PTPN3: variants seen among roughly 807,000 people sequenced by gnomAD.
PTPN3 encodes tyrosine-protein phosphatase non-receptor type 3.
Under a neutral mutation model 132.7 loss-of-function variants are expected in PTPN3, and 96 were observed. That is an observed-to-expected ratio of 0.72 (90% confidence interval 0.61 to 0.86). The LOEUF is 0.86. Among genes scored for constraint, PTPN3 ranks in the 40% least tolerant of loss-of-function variants. The probability of loss-of-function intolerance (pLI) is 0.00; values close to 1 mark genes in which losing one functional copy is unlikely to be tolerated. For synonymous variants in PTPN3, 398 were observed against 429.0 expected, an observed-to-expected ratio of 0.93 and a Z score of 0.89; for missense variants, 1,125 against 1,159.6, an observed-to-expected ratio of 0.97 and a Z score of 0.43.
chr9:109,392,092 C>A (rs750832025), intron 19 of PTPN3, among the ~76,000 whole-genome samples: 1 of 152,132 alleles, frequency 6.6e-6, no homozygotes, highest in Non-Finnish European at 1.5e-5. Flanking sequence ...GTAATCACTA[C>A]GAAAAATCTC....
the PTPN3 span, among the ~76,000 whole-genome samples, chr9:109,512,463 C>A: frequency 2.0e-5 from 3 of 152,128 alleles, no homozygotes; most frequent in African/African-American, 4.8e-5. Flanking sequence ...ATCTTTAAAG[C>A]TTTTTAAAAG....
At chr9:109,527,806 A>AT in the PTPN3 span, among the ~76,000 whole-genome samples, 3 of 152,236 alleles carry the variant, frequency 2.0e-5, no homozygotes, top group Non-Finnish European at 4.4e-5. Context: ...AAAAGGCACA[A>AT]TTAACAGAGT....
intron 9 of PTPN3, among the ~76,000 whole-genome samples, chr9:109,435,173 G>A (rs945930149): frequency 2.6e-5 from 4 of 152,162 alleles, no homozygotes; most frequent in Admixed American, 2.0e-4. Context: ...CAAAGACCAG[G>A]TCTCAAATCT....
At chr9:109,517,894 G>C in the PTPN3 span, among the ~76,000 whole-genome samples, 96 of 152,222 alleles carry the variant, frequency 6.3e-4, no homozygotes, top group South Asian at 8.1e-3. Flanking sequence ...TGAGAGAGAG[G>C]GTGGACATTG....
chr9:109,470,649 C>T (rs1235030912), intron 1 of PTPN3, among the ~76,000 whole-genome samples: 2 of 151,564 alleles, frequency 1.3e-5, no homozygotes, highest in Non-Finnish European at 2.9e-5. Context: ...GGAGCTATGA[C>T]CGCACCACTG....
intron 19 of PTPN3, 55 bp from the exon 20 acceptor site, chr9:109,391,616 G>T: frequency 7.1e-7 from 1 of 1,406,734 alleles, no homozygotes; most frequent in Non-Finnish European, 1.0e-6. Flanking sequence ...TGAAGAAAGT[G>T]TGAAAACATA....
intron 10 of PTPN3, among the ~76,000 whole-genome samples, 156 bp downstream of exon 10, chr9:109,432,917 C>T (rs1490267645): frequency 6.6e-6 from 1 of 152,072 alleles, no homozygotes; most frequent in African/African-American, 2.4e-5. Context: ...TCCTAAGTAC[C>T]AAATCTGGAC....
Position 109,379,526 on chromosome 9 carries a change from G to A in PTPN3, c.*30C>T, listed in dbSNP as rs1838844463. 1 of 1,588,072 alleles carries A rather than the reference G, an allele frequency of 6.3e-7. No individual in the cohort carries two copies. Among genetic ancestry groups the A allele is most frequent in the African/African-American group, 1.3e-5 (1 of 74,320 alleles). Reference sequence around the variant, plus strand: ...CCTCTTTCAAGGAGGATGCCCTTGGGAAAGAGGAATGAACTTTTTCACAGT... The same window carrying A: ...CCTCTTTCAAGGAGGATGCCCTTGGAAAAGAGGAATGAACTTTTTCACAGT... On this transcript the variant is annotated 3_prime_UTR_variant, in exon 26 of 26. Transcript: ENST00000374541.
At chr9:109,417,697 G>A in intron 14 of PTPN3, 1 of 985,330 alleles carries the variant, frequency 1.0e-6, no homozygotes, top group Non-Finnish European at 1.2e-6. Context: ...AACAGAGGTG[G>A]TGGGGGCTGC....
chr9:109,405,744 C>T (rs1588342968), intron 18 of PTPN3, among the ~76,000 whole-genome samples: 1 of 152,352 alleles, frequency 6.6e-6, no homozygotes, highest in South Asian at 2.1e-4. Context: ...CACATGGCAC[C>T]ATGCCTGGCT....
chr9:109,458,341 G>GC (rs1042524675), intron 2 of PTPN3, among the ~76,000 whole-genome samples: 7 of 152,214 alleles, frequency 4.6e-5, no homozygotes, highest in African/African-American at 1.7e-4. Flanking sequence ...CGGCACAAAG[G>GC]CCCAGGGATG....
At chr9:109,450,046 T>C in intron 5 of PTPN3, 1 of 983,982 alleles carries the variant, frequency 1.0e-6, no homozygotes, top group Non-Finnish European at 1.2e-6. Context: ...TGAGGTCAAT[T>C]GTGTCTTATT....
chr9:109,537,450 A>G, the PTPN3 span, among the ~76,000 whole-genome samples: 1 of 152,304 alleles, frequency 6.6e-6, no homozygotes, highest in South Asian at 2.1e-4. Flanking sequence ...GCTCTAAACC[A>G]AAGCTGAACA....
At chr9:109,450,249 G>T (rs1367274421) in intron 5 of PTPN3, 4 of 985,012 alleles carry the variant, frequency 4.1e-6, no homozygotes, top group Non-Finnish European at 4.8e-6. Context: ...ACACCTATTT[G>T]GTATTGGAAT....
intron 1 of PTPN3, among the ~76,000 whole-genome samples, chr9:109,484,346 C>T (rs957750380): frequency 1.3e-5 from 2 of 152,250 alleles, no homozygotes; most frequent in Non-Finnish European, 2.9e-5. Context: ...AGGTGGAGAC[C>T]GAAACTCAGG....
At chr9:109,414,714 T>G (rs562189047) in intron 14 of PTPN3, among the ~76,000 whole-genome samples, 2 of 152,316 alleles carry the variant, frequency 1.3e-5, no homozygotes, top group East Asian at 3.9e-4. Flanking sequence ...GCTTCCCCTA[T>G]AGATATCAGA....
chr9:109,458,647 C>G (rs1033722721), intron 2 of PTPN3, among the ~76,000 whole-genome samples: 11 of 152,120 alleles, frequency 7.2e-5, no homozygotes, highest in African/African-American at 2.4e-4. Flanking sequence ...ATGAAACACG[C>G]CCATTTCCTG....
intron 1 of PTPN3, among the ~76,000 whole-genome samples, chr9:109,491,320 A>C (rs183474825): frequency 2.5e-3 from 387 of 152,302 alleles, no homozygotes; most frequent in Non-Finnish European, 4.1e-3. Flanking sequence ...CTTTTAGGAA[A>C]TATATGTAGG....
Position 109,422,819 on chromosome 9 carries a change from A to T in PTPN3, c.1035T>A (p.Ile345=), listed in dbSNP as rs1226827459. 3 of 1,613,394 alleles carry T rather than the reference A, an allele frequency of 1.9e-6. No homozygotes were observed. Among genetic ancestry groups the T allele is most frequent in the South Asian group, 2.2e-5 (2 of 91,060 alleles). Residue 345 remains isoleucine, a synonymous_variant, in exon 13 of 26, where the codon ATT becomes ATA. Transcript: ENST00000374541. ...SVNNQYCKKV[I]GGMVWNPAMR... is the part of the protein sequence containing the mutation. Reference sequence around the variant, plus strand: ...TGGCTGGGTTCCACACCATCCCGCCAATCACCTTTTTGCAATATTGGTTAT... The same window carrying T: ...TGGCTGGGTTCCACACCATCCCGCCTATCACCTTTTTGCAATATTGGTTAT...
Sources: allele counts gnomAD v4.1 joint callset (sites outside exome capture counted in the v4.1 genomes callset), GRCh38; gene constraint gnomAD v4.1.1; transcripts MANE v1.5; gene names NCBI Gene and HGNC (gene_info 2026-07-23, HGNC 2026-07-21).